ARHGAP6: variants seen among roughly 807,000 people sequenced by gnomAD.
ARHGAP6 encodes Rho GTPase activating protein 6, also known as rho GTPase-activating protein 6.
ARHGAP6 carries 16 observed loss-of-function variants against 55.7 expected under a neutral mutation model. The observed-to-expected ratio is 0.29, with a 90% CI of 0.19 to 0.44. The LOEUF is 0.44. Ranked by LOEUF, ARHGAP6 falls within the 20% of genes least tolerant of loss-of-function variation. The probability of loss-of-function intolerance (pLI) is 1.00; values close to 1 mark genes in which losing one functional copy is unlikely to be tolerated. For missense variants in ARHGAP6, 698 were observed against 808.9 expected (o/e 0.86, Z 1.66); for synonymous variants, 382 against 360.9 (o/e 1.06, Z -0.66).
chrX:11,492,827 A>G (rs1355175047), intron 1 of ARHGAP6, among the ~76,000 whole-genome samples: 1 of 112,414 alleles, frequency 8.9e-6, no homozygotes, highest in Non-Finnish European at 1.9e-5. Context: ...TCCCAGCTAC[A>G]CTTCAATTCT....
intron 8 of ARHGAP6, among the ~76,000 whole-genome samples, chrX:11,172,288 C>G (rs1254247250): frequency 5.4e-5 from 6 of 111,464 alleles, no homozygotes; most frequent in Non-Finnish European, 1.1e-4. Flanking sequence ...AAGAAAGTGC[C>G]CTTTATGTAG....
At chrX:11,315,246 C>G (rs1043197032) in intron 1 of ARHGAP6, among the ~76,000 whole-genome samples, 2 of 112,453 alleles carry the variant, frequency 1.8e-5, no homozygotes, top group African/African-American at 3.2e-5. Flanking sequence ...TTTCCACAGA[C>G]AGTGCGGCGG....
chrX:11,222,613 A>T (rs1467882691), intron 2 of ARHGAP6, among the ~76,000 whole-genome samples: 2 of 112,218 alleles, frequency 1.8e-5, no homozygotes, highest in Non-Finnish European at 3.8e-5. Flanking sequence ...CGTGTTTTTA[A>T]GTGTATTTCT....
intron 1 of ARHGAP6, among the ~76,000 whole-genome samples, chrX:11,281,024 G>A (rs759230207): frequency 1.3e-4 from 14 of 111,582 alleles, no homozygotes; most frequent in African/African-American, 3.9e-4. Flanking sequence ...CCAAATGTTC[G>A]TGAAAGTAGA....
At chrX:11,405,850 C>A (rs1389467114) in intron 1 of ARHGAP6, among the ~76,000 whole-genome samples, 1 of 111,580 alleles carries the variant, frequency 9.0e-6, no homozygotes, top group Non-Finnish European at 1.9e-5. Flanking sequence ...AGTTACTTAG[C>A]CTCTACAAGC....
At chrX:11,289,412 G>T (rs1003205718) in intron 1 of ARHGAP6, among the ~76,000 whole-genome samples, 14 of 111,379 alleles carry the variant, frequency 1.3e-4, no homozygotes, top group Admixed American at 5.8e-4. Flanking sequence ...TTATTTAAAA[G>T]AAATAAATTT....
intron 1 of ARHGAP6, among the ~76,000 whole-genome samples, chrX:11,277,929 G>C (rs1460037624): frequency 9.0e-6 from 1 of 111,378 alleles, no homozygotes; most frequent in African/African-American, 3.3e-5. Flanking sequence ...AGATCAATAG[G>C]CTTGCTTTAA....
At chrX:11,490,533 C>A (rs760834799) in intron 1 of ARHGAP6, among the ~76,000 whole-genome samples, 2 of 111,773 alleles carry the variant, frequency 1.8e-5, no homozygotes, top group Non-Finnish European at 3.8e-5. Context: ...GGACTCCTGA[C>A]CTATGGAAAC....
At chrX:11,147,040 A>AT (rs1444885782) in intron 10 of ARHGAP6, among the ~76,000 whole-genome samples, 3 of 111,619 alleles carry the variant, frequency 2.7e-5, no homozygotes, top group Non-Finnish European at 5.6e-5. Context: ...CAGTTCATAG[A>AT]TTTTTTAAAA....
At chrX:11,368,070 T>C (rs747800925) in intron 1 of ARHGAP6, among the ~76,000 whole-genome samples, 1 of 112,667 alleles carries the variant, frequency 8.9e-6, no homozygotes, top group Non-Finnish European at 1.9e-5. Context: ...TGATCTATAC[T>C]GTGCATTAGA....
chrX:11,283,931 T>C (rs889819814), intron 1 of ARHGAP6, among the ~76,000 whole-genome samples: 10 of 112,256 alleles, frequency 8.9e-5, no homozygotes, highest in African/African-American at 3.2e-4. Flanking sequence ...TTTGTGATTA[T>C]TTATTATAGC....
intron 1 of ARHGAP6, among the ~76,000 whole-genome samples, chrX:11,504,546 C>A (rs2090907925): frequency 1.8e-5 from 2 of 112,051 alleles, no homozygotes; most frequent in East Asian, 2.8e-4. Flanking sequence ...CCCTTTTAAA[C>A]CCTCATATCT....
chrX:11,630,144 A>T (rs1244898506), intron 1 of ARHGAP6, among the ~76,000 whole-genome samples: 1 of 111,179 alleles, frequency 9.0e-6, no homozygotes, highest in Non-Finnish European at 1.9e-5. Flanking sequence ...TGTATTACCA[A>T]ATATATATAT....
intron 2 of ARHGAP6, among the ~76,000 whole-genome samples, chrX:11,204,542 C>A (rs960286068): frequency 9.0e-6 from 1 of 111,717 alleles, no homozygotes; most frequent in Non-Finnish European, 1.9e-5. Context: ...TTTTGATGAC[C>A]ATTGTGATGT....
chrX:11,441,831 AC>A (rs2050041975), intron 1 of ARHGAP6, among the ~76,000 whole-genome samples: 1 of 110,083 alleles, frequency 9.1e-6, no homozygotes, highest in South Asian at 3.9e-4. Context: ...AGATTCTTGT[AC>A]ACAGCTCCAA....
chrX:11,444,486 G>A (rs1176185526), intron 1 of ARHGAP6, among the ~76,000 whole-genome samples: 2 of 112,425 alleles, frequency 1.8e-5, no homozygotes, highest in African/African-American at 6.5e-5. Flanking sequence ...TGGAGAGCAA[G>A]TGTTAGGTTG....
At chrX:11,219,577 A>C (rs1329696745) in intron 2 of ARHGAP6, among the ~76,000 whole-genome samples, 1 of 95,301 alleles carries the variant, frequency 1.0e-5, no homozygotes, top group Non-Finnish European at 2.1e-5. Flanking sequence ...AATGATTGCC[A>C]TTCTAACTGG....
intron 1 of ARHGAP6, among the ~76,000 whole-genome samples, chrX:11,559,273 A>G (rs1302732807): frequency 9.1e-6 from 1 of 110,400 alleles, no homozygotes; most frequent in African/African-American, 3.3e-5. Flanking sequence ...CACTACCTCA[A>G]GCTGTTTAAA....
At chrX:11,289,922 T>C (rs2047966427) in intron 1 of ARHGAP6, among the ~76,000 whole-genome samples, 2 of 111,622 alleles carry the variant, frequency 1.8e-5, no homozygotes, top group African/African-American at 6.5e-5. Flanking sequence ...GAGGCAGAGA[T>C]TGCAGCGAGC....
Sources: gnomAD v4.1 joint callset for allele counts (sites outside exome capture counted in the v4.1 genomes callset) on GRCh38, gnomAD v4.1.1 for gene constraint, MANE v1.5 for transcripts, NCBI Gene and HGNC (gene_info 2026-07-23, HGNC 2026-07-21) for gene names.